The following INSYN2A variants were observed in gnomAD, a reference collection of about 807,000 sequenced individuals.
INSYN2A encodes the protein inhibitory synaptic factor 2A.
INSYN2A carries 17 observed loss-of-function variants against 39.4 expected under a neutral mutation model. That is an observed-to-expected ratio of 0.43 (90% confidence interval 0.30 to 0.65). INSYN2A has a LOEUF of 0.65. Among genes scored for constraint, INSYN2A ranks in the 30% least tolerant of loss-of-function variants. INSYN2A has a pLI of 0.14. For missense variants in INSYN2A, 595 were observed against 631.2 expected (o/e 0.94, Z 0.61); for synonymous variants, 255 against 265.7 (o/e 0.96, Z 0.39).
intron 4 of INSYN2A, among the ~76,000 whole-genome samples, chr10:127,172,724 G>C (rs951549180): frequency 1.3e-5 from 2 of 152,186 alleles, no homozygotes; most frequent in East Asian, 3.9e-4. Flanking sequence ...CCGTGAGCTT[G>C]TGCTGGCAGC....
At chr10:127,147,200 G>A (rs1165023983) in intron 5 of INSYN2A, among the ~76,000 whole-genome samples, 6 of 152,176 alleles carry the variant, frequency 3.9e-5, no homozygotes, top group Admixed American at 3.9e-4. Context: ...TTGAGAAGCC[G>A]TCAAGGATTG....
At position 127,175,868 on chromosome 10, in the gene INSYN2A, A is replaced by G. The variant is rs1452835372; in HGVS notation, c.528T>C (p.His176=). 6.2e-6 allele frequency: 10 copies of G among 1,614,022 alleles called. No homozygotes were observed. The highest frequency in any genetic ancestry group is 7.6e-6 in the Non-Finnish European group (9 of 1,180,032). The change falls in exon 4 of 6, where the codon CAT becomes CAC. Residue 176 remains histidine, a synonymous_variant. Transcript: ENST00000522781. This position sits in a 1 kb window ranked among gnomAD's most constrained non-coding sequence, Gnocchi z 6.3. ...CCACTGTGTTCATGTGTTGGTTGGA[A>G]TGGAAAACCAAGGCTGTGGTCTTGT... The part of the protein sequence containing the change: ...RVHKTTALVF[H]SNQHMNTVDQ...
chr10:127,190,307 C>T (rs942290126), intron 2 of INSYN2A, among the ~76,000 whole-genome samples: 2 of 152,160 alleles, frequency 1.3e-5, no homozygotes, highest in East Asian at 3.9e-4. Flanking sequence ...CCCTGGAAGC[C>T]GTCTTCCTCT....
Position 127,175,741 on chromosome 10 carries a change from C to T in INSYN2A, c.655G>A (p.Glu219Lys), listed in dbSNP as rs756966142. ...CTCCCGAGCAGCTGGTAATCGGGCT[C>T]TTCGGATGGAGGCCGAGTGGAGTTT... ...LQNSTRPPSEEPDYQLLGRAK... is the reference protein window; with the variant it reads ...LQNSTRPPSEKPDYQLLGRAK... Residue 219 changes from glutamate (E) to lysine (K), a missense_variant, in exon 4 of 6, where the codon GAG becomes AAG. Physicochemically the swap from Glu to Lys is moderately conservative, Grantham distance 56. Transcript: ENST00000522781. The surrounding 1 kb of genome is among the most constrained non-coding windows in gnomAD (Gnocchi z 6.3). 5 of 1,613,990 alleles carry T rather than the reference C, an allele frequency of 3.1e-6. No homozygotes were observed. The African/African-American group carries it at 4.0e-5, about 13-fold the overall frequency.
At chr10:127,151,608 T>G (rs2133470808) in intron 5 of INSYN2A, among the ~76,000 whole-genome samples, 2 of 152,304 alleles carry the variant, frequency 1.3e-5, no homozygotes, top group Admixed American at 1.3e-4. Flanking sequence ...TCTATTCAGT[T>G]TCTGAAGATG....
At chr10:127,178,990 C>A (rs1274250153) in intron 2 of INSYN2A, among the ~76,000 whole-genome samples, 1 of 152,086 alleles carries the variant, frequency 6.6e-6, no homozygotes, top group African/African-American at 2.4e-5. Context: ...CTTTGTTGTC[C>A]AGGTATGTCA....
intron 2 of INSYN2A, among the ~76,000 whole-genome samples, chr10:127,184,971 C>G (rs1288181711): frequency 2.6e-5 from 4 of 152,170 alleles, no homozygotes; most frequent in Non-Finnish European, 5.9e-5. Context: ...GTGTCTAGTC[C>G]AGCAGGAGAG....
intron 5 of INSYN2A, among the ~76,000 whole-genome samples, chr10:127,149,504 G>T (rs1176972371): frequency 6.6e-6 from 1 of 152,150 alleles, no homozygotes; most frequent in Non-Finnish European, 1.5e-5. Flanking sequence ...CAGGCCTGTG[G>T]TGCTAAAGCC....
At position 127,175,412 on chromosome 10, in the gene INSYN2A, C is replaced by T. The variant is rs753949881; in HGVS notation, c.984G>A (p.Pro328=). The T allele has an allele frequency of 6.2e-5, 100 of 1,613,320 alleles. No individual in the cohort carries two copies. Among genetic ancestry groups the T allele is most frequent in the Non-Finnish European group, 7.5e-5 (88 of 1,180,032 alleles). Residue 328 remains proline (P), a synonymous_variant, in exon 4 of 6, where the codon CCG becomes CCA. Coordinates refer to ENST00000522781, the MANE Select transcript of INSYN2A (RefSeq NM_001039762.3). The surrounding 1 kb of genome is among the most constrained non-coding windows in gnomAD (Gnocchi z 6.3). The stretch of plus-strand genomic sequence containing the variant: ...GACTAGGCTGGTTCCCCAGCCCCGG[C>T]GGGGTGTGAGTCTGCGACGGCTGCT... ...CSEQPSQTHT[P]PGLGNQPSPT...
At chr10:127,164,078 G>A (rs1006089582) in intron 4 of INSYN2A, among the ~76,000 whole-genome samples, 8 of 150,428 alleles carry the variant, frequency 5.3e-5, no homozygotes, top group South Asian at 2.1e-4. Context: ...CCTGGGTGGC[G>A]TCCCAGGGGA....
At chr10:127,178,260 A>G (rs117509379) in intron 2 of INSYN2A, among the ~76,000 whole-genome samples, 7 of 152,354 alleles carry the variant, frequency 4.6e-5, no homozygotes, top group East Asian at 1.9e-4. Context: ...ACATTATGCT[A>G]TGAACAACTA....
At chr10:127,195,228 T>C (rs1291400543) in intron 1 of INSYN2A, among the ~76,000 whole-genome samples, 1 of 152,166 alleles carries the variant, frequency 6.6e-6, no homozygotes, top group Non-Finnish European at 1.5e-5. Flanking sequence ...GACTTTGGGC[T>C]CCAGGAGCTG....
intron 5 of INSYN2A, among the ~76,000 whole-genome samples, chr10:127,152,412 C>T (rs2483851): frequency 0.72 from 108,655 of 151,870 alleles, 43,573 homozygotes; most frequent in South Asian, 0.89. Flanking sequence ...AACCTCCTCA[C>T]TGGCAATTGC....
chr10:127,170,616 T>C (rs2054483260), intron 4 of INSYN2A, among the ~76,000 whole-genome samples: 1 of 146,644 alleles, frequency 6.8e-6, no homozygotes, highest in Admixed American at 6.8e-5. Flanking sequence ...CTGGTGAGTT[T>C]ACCCAATGAG....
Position 127,190,664 on chromosome 10 carries a change from TTCCCCCCC to T in INSYN2A, c.-269+1933_-269+1940del, listed in dbSNP as rs753074426. On this transcript the variant is annotated intron_variant, in intron 2 of 5. Coordinates refer to ENST00000522781, the MANE Select transcript of INSYN2A (RefSeq NM_001039762.3). ...TCAAATATTTAATAGAAATCCTATC[TTCCCCCCC>T]CCCCCCCCCCCGTTCCTGCTGGCTC... 4.5e-3 allele frequency among the ~76,000 whole-genome samples: 68 copies of T among 15,268 alleles called. 18 individuals carry two copies. The highest frequency in any genetic ancestry group is 0.019 in the South Asian group (6 of 320). The allele number at this position is 15,268 out of a possible 152,430, so 10.0% of individuals were successfully genotyped here. A position where few individuals can be genotyped will look rare whatever the true frequency, so the allele number is the denominator to read the frequency against.
chr10:127,178,805 A>G (rs2055435457), intron 2 of INSYN2A, among the ~76,000 whole-genome samples: 1 of 152,192 alleles, frequency 6.6e-6, no homozygotes, highest in African/African-American at 2.4e-5. Flanking sequence ...AGGAGGGACA[A>G]GGCGTGCCTG....
intron 2 of INSYN2A, among the ~76,000 whole-genome samples, chr10:127,189,903 A>G (rs980347440): frequency 5.3e-5 from 8 of 152,130 alleles, no homozygotes; most frequent in South Asian, 2.1e-4. Context: ...ACAGAGATCA[A>G]TGGAGTTGAA....
At chr10:127,145,671 T>A (rs2051745181) in intron 5 of INSYN2A, among the ~76,000 whole-genome samples, 1 of 152,208 alleles carries the variant, frequency 6.6e-6, no homozygotes, top group Admixed American at 6.5e-5. Flanking sequence ...GAGACATGGG[T>A]GACGTCCCGG....
chr10:127,161,347 CG>C (rs1400654951), intron 4 of INSYN2A, among the ~76,000 whole-genome samples: 3 of 152,268 alleles, frequency 2.0e-5, no homozygotes, highest in East Asian at 3.9e-4. Flanking sequence ...TAGTCAAAGG[CG>C]GTACTGGCTT....
Sources: gnomAD v4.1 joint callset for allele counts (sites outside exome capture counted in the v4.1 genomes callset) on GRCh38, gnomAD v4.1.1 for gene constraint, Gnocchi (gnomAD v3.1) non-coding constraint, MANE v1.5 for transcripts, NCBI Gene and HGNC (gene_info 2026-07-23, HGNC 2026-07-21) for gene names.